Variants in ASTN2 observed in about 807,000 individuals in gnomAD.
ASTN2 encodes astrotactin 2.
ASTN2 carries 54 observed loss-of-function variants against 139.8 expected under a neutral mutation model. That is an observed-to-expected ratio of 0.39 (90% CI 0.31 to 0.48). The LOEUF (loss-of-function observed/expected upper bound fraction) is 0.48, where lower values mean the gene tolerates loss of function less well. Among genes scored for constraint, ASTN2 ranks in the 20% least tolerant of loss-of-function variants. The pLI is 0.95. For synonymous variants in ASTN2, 756 were observed against 719.5 expected (o/e 1.05, Z -0.81); for missense variants, 1,565 against 1,725.1 (o/e 0.91, Z 1.64).
intron 1 of ASTN2, among the ~76,000 whole-genome samples, chr9:117,396,353 G>A (rs1250702565): frequency 6.6e-6 from 1 of 152,098 alleles, no homozygotes; most frequent in Non-Finnish European, 1.5e-5. Flanking sequence ...CCCCAGCTAT[G>A]AATGCTTACA....
intron 3 of ASTN2, among the ~76,000 whole-genome samples, chr9:117,150,625 A>C (rs1388614106): frequency 6.6e-6 from 1 of 152,184 alleles, no homozygotes; most frequent in Non-Finnish European, 1.5e-5. Flanking sequence ...TGAGGCTTGC[A>C]ATTCCAAATC....
At chr9:116,720,275 A>G (rs1828434473) in intron 16 of ASTN2, among the ~76,000 whole-genome samples, 1 of 152,236 alleles carries the variant, frequency 6.6e-6, no homozygotes, top group Non-Finnish European at 1.5e-5. Context: ...TAGGAAAATG[A>G]TAATAGAGAT....
intron 1 of ASTN2, among the ~76,000 whole-genome samples, chr9:117,348,678 C>T (rs1829298808): frequency 6.6e-6 from 1 of 152,064 alleles, no homozygotes; most frequent in South Asian, 2.1e-4. Context: ...CAAATCTGGG[C>T]TAAGATTCTT....
At chr9:117,120,466 C>T (rs1007575278) in intron 4 of ASTN2, among the ~76,000 whole-genome samples, 10 of 152,070 alleles carry the variant, frequency 6.6e-5, no homozygotes, top group African/African-American at 1.9e-4. Context: ...CAATCATACA[C>T]CAGAGGAAGA....
At chr9:116,907,042 T>C (rs1834180026) in intron 10 of ASTN2, among the ~76,000 whole-genome samples, 1 of 152,212 alleles carries the variant, frequency 6.6e-6, no homozygotes, top group South Asian at 2.1e-4. Context: ...GCATTCATTT[T>C]CTCATCTGAC....
chr9:116,671,850 TC>T (rs1465664154), intron 16 of ASTN2, among the ~76,000 whole-genome samples: 19 of 152,192 alleles, frequency 1.2e-4, no homozygotes, highest in Middle Eastern at 3.4e-3. Context: ...AATGGCTACT[TC>T]CCCATTTCAG....
Position 117,409,989 on chromosome 9 carries a change from C to T in ASTN2, c.442+4508G>A, listed in dbSNP as rs1399277943. 2.0e-5 allele frequency among the ~76,000 whole-genome samples: 3 copies of T among 152,184 alleles called. No individual in the cohort carries two copies. The East Asian group carries it at 5.8e-4, about 29-fold the overall frequency. On this transcript the variant is annotated intron_variant, in intron 1 of 22. Coordinates refer to ENST00000313400, the MANE Select transcript of ASTN2 (RefSeq NM_001365068.1). ...CAGCCTTTGGGATGGTCCTTTGGGA[C>T]CCCGCCAGCTCTACGCATGCAGGTG...
intron 11 of ASTN2, among the ~76,000 whole-genome samples, chr9:116,828,287 C>A (rs4449865): frequency 0.79 from 114,232 of 143,756 alleles, 45,522 homozygotes; most frequent in East Asian, 0.92. Context: ...GGCAACAGAG[C>A]GAGACTCCGT....
At chr9:116,565,423 A>ATTTATT (rs1175112977) in intron 19 of ASTN2, among the ~76,000 whole-genome samples, 857 of 67,280 alleles carry the variant, frequency 0.013, 6 homozygotes, top group Non-Finnish European at 0.018. Context: ...ATATATATAT[A>ATTTATT]TATATATTTA....
chr9:116,911,273 CAAG>C (rs1429672463), intron 10 of ASTN2, among the ~76,000 whole-genome samples: 2 of 152,098 alleles, frequency 1.3e-5, no homozygotes, highest in African/African-American at 4.8e-5. Context: ...TAAGAAAGAT[CAAG>C]ACGCTTATCC....
chr9:116,728,131 C>A (rs1324167792), intron 15 of ASTN2, among the ~76,000 whole-genome samples: 1 of 152,084 alleles, frequency 6.6e-6, no homozygotes, highest in Non-Finnish European at 1.5e-5. Context: ...TTTCAGTCTT[C>A]ATTTATTTTT....
chr9:116,726,614 T>G (rs1175276250), intron 15 of ASTN2, among the ~76,000 whole-genome samples: 1 of 152,316 alleles, frequency 6.6e-6, no homozygotes, highest in African/African-American at 2.4e-5. Context: ...AGCATTGCTT[T>G]TCTTTATATC....
At chr9:116,534,392 G>A (rs1231917392) in intron 19 of ASTN2, among the ~76,000 whole-genome samples, 1 of 151,910 alleles carries the variant, frequency 6.6e-6, no homozygotes, top group Non-Finnish European at 1.5e-5. Flanking sequence ...GTTATTTCTT[G>A]CCTTCTGCTA....
At chr9:116,508,122 C>T (rs1400548340) in intron 19 of ASTN2, among the ~76,000 whole-genome samples, 1 of 152,248 alleles carries the variant, frequency 6.6e-6, no homozygotes. Context: ...AACTCCCAAC[C>T]TCAGGTGATC....
intron 4 of ASTN2, among the ~76,000 whole-genome samples, chr9:117,139,829 A>G (rs555334030): frequency 6.6e-6 from 1 of 152,348 alleles, no homozygotes; most frequent in East Asian, 1.9e-4. Flanking sequence ...GACAATCAAC[A>G]ACGTCTTCAT....
intron 7 of ASTN2, among the ~76,000 whole-genome samples, chr9:116,996,437 C>T (rs190978320): frequency 5.3e-4 from 80 of 151,958 alleles, no homozygotes; most frequent in Middle Eastern, 3.4e-3. Flanking sequence ...AAATGTGCAC[C>T]ATTATTACTA....
intron 3 of ASTN2, among the ~76,000 whole-genome samples, chr9:117,157,834 G>C (rs1403621378): frequency 1.3e-5 from 2 of 151,954 alleles, no homozygotes; most frequent in Non-Finnish European, 2.9e-5. Flanking sequence ...AGTTTAGTCT[G>C]TATAACATAT....
intron 1 of ASTN2, among the ~76,000 whole-genome samples, chr9:117,405,572 G>A (rs1295204651): frequency 1.3e-5 from 2 of 152,118 alleles, no homozygotes; most frequent in Admixed American, 1.3e-4. Flanking sequence ...TTTCCCAGCT[G>A]CCCTTCCCTA....
chr9:116,477,376 C>T (rs182561030), intron 20 of ASTN2, among the ~76,000 whole-genome samples: 2 of 152,052 alleles, frequency 1.3e-5, no homozygotes, highest in East Asian at 3.9e-4. Flanking sequence ...TACTTGCCCC[C>T]ATCCCCTAAC....
Sources: allele counts gnomAD v4.1 joint callset (sites outside exome capture counted in the v4.1 genomes callset), GRCh38; gene constraint gnomAD v4.1.1; transcripts MANE v1.5; gene names NCBI Gene and HGNC (gene_info 2026-07-23, HGNC 2026-07-21).